The following C12orf42 variants were observed in gnomAD, a reference collection of about 807,000 sequenced individuals.
The protein encoded by C12orf42 is uncharacterized protein C12orf42.
C12orf42 carries 25 observed loss-of-function variants against 21.6 expected under a neutral mutation model. That is an observed-to-expected ratio of 1.16 (90% CI 0.84 to 1.62). The LOEUF (loss-of-function observed/expected upper bound fraction) is 1.62, where lower values mean the gene tolerates loss of function less well. C12orf42 is among the 40% of genes most tolerant of loss of function. C12orf42 has a pLI of 0.00. For missense variants in C12orf42, 483 were observed against 459.3 expected, an observed-to-expected ratio of 1.05 and a Z score of -0.47; for synonymous variants, 174 against 175.0, an observed-to-expected ratio of 0.99 and a Z score of 0.05.
chr12:103,253,825 G>T (rs200870235), intron 10 of C12orf42, among the ~76,000 whole-genome samples: 21 of 149,142 alleles, frequency 1.4e-4, no homozygotes, highest in East Asian at 2.0e-4. Flanking sequence ...TTTTTAATGG[G>T]TTTTTTTTTT....
the C12orf42 span, among the ~76,000 whole-genome samples, chr12:103,225,529 T>TG: frequency 1.3e-5 from 2 of 150,958 alleles, no homozygotes; most frequent in African/African-American, 4.9e-5. Context: ...TGGGTTAAGG[T>TG]GGGGGGATAC....
chr12:103,337,712 A>T (rs188970276), intron 4 of C12orf42, among the ~76,000 whole-genome samples: 2 of 152,216 alleles, frequency 1.3e-5, no homozygotes, highest in Admixed American at 1.3e-4. Flanking sequence ...TTAATAAGCC[A>T]CACACATCCT....
At chr12:103,288,779 A>G (rs2036622710) in intron 4 of C12orf42, among the ~76,000 whole-genome samples, 1 of 152,164 alleles carries the variant, frequency 6.6e-6, no homozygotes, top group Non-Finnish European at 1.5e-5. Context: ...AAACATCTCA[A>G]AATCTCCTAT....
At chr12:103,279,540 T>G (rs1380191445) in intron 4 of C12orf42, among the ~76,000 whole-genome samples, 2 of 152,212 alleles carry the variant, frequency 1.3e-5, no homozygotes, top group African/African-American at 4.8e-5. Flanking sequence ...CTAACAAAAT[T>G]GGTTCCCCCA....
chr12:103,392,800 C>G (rs2138485923), intron 3 of C12orf42, among the ~76,000 whole-genome samples: 1 of 152,328 alleles, frequency 6.6e-6, no homozygotes, highest in East Asian at 1.9e-4. Flanking sequence ...ACTAGTAATA[C>G]ATGAGGAAAG....
chr12:103,554,698 C>T, the C12orf42 span, among the ~76,000 whole-genome samples: 6,357 of 152,182 alleles, frequency 0.042, 207 homozygotes, highest in East Asian at 0.12. Flanking sequence ...GGCACATTTT[C>T]AAATGTCCAG....
At chr12:103,111,562 T>TCAA in the C12orf42 span, among the ~76,000 whole-genome samples, 3 of 152,334 alleles carry the variant, frequency 2.0e-5, no homozygotes, top group Non-Finnish European at 2.9e-5. Flanking sequence ...AGTAATGGTG[T>TCAA]CATGTAAAGA....
chr12:103,255,382 AC>A (rs2034512006), intron 10 of C12orf42, among the ~76,000 whole-genome samples: 1 of 152,148 alleles, frequency 6.6e-6, no homozygotes, highest in Non-Finnish European at 1.5e-5. Flanking sequence ...ACAAACAAAA[AC>A]AAAAACAAAA....
At chr12:103,332,363 T>C (rs771040698) in intron 4 of C12orf42, among the ~76,000 whole-genome samples, 23 of 152,150 alleles carry the variant, frequency 1.5e-4, no homozygotes, top group Non-Finnish European at 2.8e-4. Flanking sequence ...GGTGGTACAA[T>C]TGGGTGTTTG....
chr12:103,250,880 G>A (rs77336473), intron 10 of C12orf42, among the ~76,000 whole-genome samples: 1 of 151,818 alleles, frequency 6.6e-6, no homozygotes, highest in East Asian at 1.9e-4. Flanking sequence ...ATCACTGTGT[G>A]TGTGTGTGTG....
the C12orf42 span, among the ~76,000 whole-genome samples, chr12:103,225,011 T>C: frequency 3.3e-5 from 5 of 152,290 alleles, no homozygotes; most frequent in East Asian, 9.7e-4. Context: ...AATTTGGGCT[T>C]GACTGAAGTA....
the C12orf42 span, among the ~76,000 whole-genome samples, chr12:103,068,964 T>C: frequency 1.1e-5 from 1 of 94,590 alleles, no homozygotes; most frequent in Non-Finnish European, 2.1e-5. Flanking sequence ...TATATATATA[T>C]ATATATATAT....
At chr12:103,197,161 C>A in the C12orf42 span, among the ~76,000 whole-genome samples, 1 of 152,076 alleles carries the variant, frequency 6.6e-6, no homozygotes, top group Non-Finnish European at 1.5e-5. Context: ...TTTTATTTCA[C>A]TTTTGTTTAT....
chr12:103,318,218 G>A (rs2039718070), intron 4 of C12orf42, among the ~76,000 whole-genome samples: 1 of 152,040 alleles, frequency 6.6e-6, no homozygotes, highest in African/African-American at 2.4e-5. Flanking sequence ...GAGTATGGGA[G>A]GCAGAGGTTG....
At chr12:103,294,446 G>GA (rs1456307984) in intron 4 of C12orf42, among the ~76,000 whole-genome samples, 1 of 110,842 alleles carries the variant, frequency 9.0e-6, no homozygotes, top group East Asian at 2.6e-4. Context: ...AAGAAAGAAA[G>GA]AAAGAAAGAA....
intron 2 of C12orf42, among the ~76,000 whole-genome samples, chr12:103,451,024 A>G (rs185047895): frequency 8.6e-5 from 13 of 151,850 alleles, no homozygotes; most frequent in African/African-American, 3.1e-4. Flanking sequence ...TTTTCAAGAC[A>G]TCTCCCTCTT....
the C12orf42 span, among the ~76,000 whole-genome samples, chr12:103,096,971 G>A: frequency 6.6e-6 from 1 of 152,118 alleles, no homozygotes. Context: ...TTGTGATGTT[G>A]ATAGGCAAAC....
the C12orf42 span, among the ~76,000 whole-genome samples, chr12:103,087,427 C>T: frequency 6.6e-6 from 1 of 152,154 alleles, no homozygotes; most frequent in Non-Finnish European, 1.5e-5. Context: ...ACTTTGGATC[C>T]TAGCAGAGCC....
chr12:103,052,633 T>C, the C12orf42 span, among the ~76,000 whole-genome samples: 35 of 152,096 alleles, frequency 2.3e-4, no homozygotes, highest in Non-Finnish European at 4.3e-4. Flanking sequence ...ACTTTCATAA[T>C]GATGCTTTAT....
Sources: allele counts gnomAD v4.1 joint callset (sites outside exome capture counted in the v4.1 genomes callset), GRCh38; gene constraint gnomAD v4.1.1; transcripts MANE v1.5; gene names NCBI Gene and HGNC (gene_info 2026-07-23, HGNC 2026-07-21).